Variants in ASTN2 observed in about 807,000 individuals in gnomAD.
ASTN2 encodes the protein astrotactin 2.
In ASTN2, 54 loss-of-function variants were observed where a neutral mutation model predicts 139.8. The observed-to-expected ratio is 0.39, with a 90% CI of 0.31 to 0.48. The LOEUF (loss-of-function observed/expected upper bound fraction) is 0.48, where lower values mean the gene tolerates loss of function less well. Among genes scored for constraint, ASTN2 ranks in the 20% least tolerant of loss-of-function variants. ASTN2 has a pLI of 0.95. For synonymous variants in ASTN2, 756 were observed against 719.5 expected (o/e 1.05, Z -0.81); for missense variants, 1,565 against 1,725.1 (o/e 0.91, Z 1.64).
At chr9:116,717,233 C>A (rs977061835) in intron 16 of ASTN2, among the ~76,000 whole-genome samples, 1 of 152,208 alleles carries the variant, frequency 6.6e-6, no homozygotes, top group African/African-American at 2.4e-5. Context: ...TCTTGGTATG[C>A]ACCAATAGGA....
intron 6 of ASTN2, among the ~76,000 whole-genome samples, chr9:117,012,367 A>T (rs1281491480): frequency 1.3e-5 from 2 of 152,168 alleles, no homozygotes; most frequent in African/African-American, 4.8e-5. Context: ...ACTCAGTGAC[A>T]AGGGTCAAGG....
rs372934922 is a variant in ASTN2, at chr9:117,291,501, G to C, written c.455C>G (p.Thr152Arg). Residue 152 changes from threonine to arginine, a missense_variant, in exon 2 of 23, where the codon ACA (threonine) becomes AGA (arginine). Coordinates refer to ENST00000313400, the MANE Select transcript of ASTN2 (RefSeq NM_001365068.1). ...LPFFTLEMSG[T>R]AADISLVHWR... ...GTGCACCAGCGAGATGTCCGCTGCTGTGCCAGACATCTCTGCAAGACAAGA... is the reference window on the plus strand; with the variant it reads ...GTGCACCAGCGAGATGTCCGCTGCTCTGCCAGACATCTCTGCAAGACAAGA... 2 of 1,603,904 alleles carry C rather than the reference G, an allele frequency of 1.2e-6. No individual in the cohort carries two copies. The highest frequency in any genetic ancestry group is 2.2e-5 in the East Asian group (1 of 44,762).
At chr9:116,587,990 C>A (rs1440410960) in intron 19 of ASTN2, among the ~76,000 whole-genome samples, 1 of 152,010 alleles carries the variant, frequency 6.6e-6, no homozygotes, top group East Asian at 1.9e-4. Context: ...AAAAGGTTAC[C>A]AGTATTTTTT....
chr9:117,085,719 G>A (rs756320015), intron 5 of ASTN2, among the ~76,000 whole-genome samples: 12 of 152,138 alleles, frequency 7.9e-5, no homozygotes, highest in Non-Finnish European at 1.3e-4. Context: ...ACATCTCAGG[G>A]GTTACAGAGC....
intron 2 of ASTN2, among the ~76,000 whole-genome samples, chr9:117,264,683 G>A (rs899281204): frequency 1.1e-4 from 17 of 152,130 alleles, no homozygotes; most frequent in African/African-American, 3.4e-4. Context: ...CCATATTCTC[G>A]GCTTACATCC....
At chr9:117,006,987 C>T (rs558842743) in intron 7 of ASTN2, among the ~76,000 whole-genome samples, 3 of 152,164 alleles carry the variant, frequency 2.0e-5, no homozygotes, top group Non-Finnish European at 2.9e-5. Context: ...TGTGGTGATG[C>T]GTGCCTGTAA....
At chr9:117,182,251 A>G (rs1355187355) in intron 3 of ASTN2, among the ~76,000 whole-genome samples, 1 of 151,402 alleles carries the variant, frequency 6.6e-6, no homozygotes, top group East Asian at 1.9e-4. Context: ...AAAAAATAAT[A>G]AGATTTCACC....
At chr9:116,619,424 G>T (rs1216547596) in intron 18 of ASTN2, among the ~76,000 whole-genome samples, 1 of 152,018 alleles carries the variant, frequency 6.6e-6, no homozygotes, top group African/African-American at 2.4e-5. Context: ...GGTCTCTTCA[G>T]AGAGCTTTCC....
In ASTN2 at chr9:117,214,629, G is replaced by T. The variant is rs754928103; in HGVS notation, c.744C>A (p.Ala248=). The change falls in exon 3 of 23, where the codon GCC becomes GCA. Residue 248 remains alanine, a synonymous_variant. Coordinates refer to ENST00000313400, the MANE Select transcript of ASTN2 (RefSeq NM_001365068.1). The part of the protein sequence containing the change: ...RIPQKSASTE[A]THEIHYIPSV... ...ATGGGATGTAGTGGATCTCATGAGT[G>T]GCTTCTGTGCTTGCGCTCTTCTGGG... is the stretch of plus-strand genomic sequence containing the variant. 6.3e-7 allele frequency: 1 copy of T among 1,585,550 alleles called. No individual in the cohort carries two copies. The highest frequency in any genetic ancestry group is 2.3e-5 in the East Asian group (1 of 44,224).
chr9:117,001,774 G>A lies in ASTN2; in HGVS notation c.1591+6318C>T, dbSNP rs7856990. ...AGAATACATTTCTCCCTGTTCTTCA[G>A]GCATGGGGCACTTTGTTAATGCATT... On this transcript the variant is annotated intron_variant, in intron 7 of 22. Coordinates refer to ENST00000313400, the MANE Select transcript of ASTN2 (RefSeq NM_001365068.1). Among the ~76,000 whole-genome samples, 1,323 of 152,112 alleles carry A rather than the reference G, an allele frequency of 8.7e-3. 20 individuals carry two copies. The highest frequency in any genetic ancestry group is 0.031 in the African/African-American group (1,267 of 41,486).
At chr9:117,319,847 A>C (rs1828273365) in intron 1 of ASTN2, among the ~76,000 whole-genome samples, 1 of 152,170 alleles carries the variant, frequency 6.6e-6, no homozygotes, top group Non-Finnish European at 1.5e-5. Flanking sequence ...TGAAGGCGGT[A>C]ATTCCCAAAA....
In ASTN2 at chr9:117,226,591, G is replaced by GGGGT. The variant is rs375921115; in HGVS notation, c.631-11850_631-11849insACCC. 4.7e-3 allele frequency among the ~76,000 whole-genome samples: 629 copies of GGGGT among 133,302 alleles called. 6 individuals are homozygous for GGGGT. Among genetic ancestry groups the GGGGT allele is most frequent in the South Asian group, 0.027 (115 of 4,278 alleles). 87.5% of individuals were successfully genotyped at this position (133,302 alleles called of 152,430 possible). ...GAAAGCTCACAGGTCCTCATAAAGC[G>GGGGT]GGTTTGTTTGTTTGTTTGTTTGTTT... On this transcript the variant is annotated intron_variant, in intron 2 of 22. Coordinates refer to ENST00000313400, the MANE Select transcript of ASTN2 (RefSeq NM_001365068.1).
intron 10 of ASTN2, among the ~76,000 whole-genome samples, chr9:116,870,917 T>C (rs1833146474): frequency 6.6e-6 from 1 of 152,168 alleles, no homozygotes; most frequent in Non-Finnish European, 1.5e-5. Flanking sequence ...GACAACCTTG[T>C]TTCCTGAGCT....
intron 11 of ASTN2, among the ~76,000 whole-genome samples, chr9:116,841,285 G>A (rs1026921080): frequency 6.6e-6 from 1 of 152,222 alleles, no homozygotes; most frequent in South Asian, 2.1e-4. Context: ...GCTGAGGCAG[G>A]AGAATCAGGC....
chr9:116,929,361 T>A (rs12551186), intron 10 of ASTN2, among the ~76,000 whole-genome samples: 1 of 152,148 alleles, frequency 6.6e-6, no homozygotes, highest in Admixed American at 6.5e-5. Context: ...CTAGCTACAA[T>A]GCATTCCTTT....
intron 1 of ASTN2, among the ~76,000 whole-genome samples, chr9:117,343,741 A>G (rs72764170): frequency 0.089 from 13,604 of 152,198 alleles, 715 homozygotes; most frequent in Non-Finnish European, 0.1. Flanking sequence ...TCTACCTCAC[A>G]TTAATTAGTT....
intron 10 of ASTN2, among the ~76,000 whole-genome samples, chr9:116,904,132 C>T (rs1834094337): frequency 6.6e-6 from 1 of 152,182 alleles, no homozygotes; most frequent in Non-Finnish European, 1.5e-5. Flanking sequence ...TTCAACTGCA[C>T]ATGGGTGAGG....
At chr9:116,484,682 A>C (rs1849283033) in intron 20 of ASTN2, among the ~76,000 whole-genome samples, 1 of 152,202 alleles carries the variant, frequency 6.6e-6, no homozygotes, top group Admixed American at 6.5e-5. Context: ...CATTTCAAAA[A>C]TACATAAATA....
chr9:117,273,546 G>T (rs1379990669), intron 2 of ASTN2, among the ~76,000 whole-genome samples: 1 of 152,136 alleles, frequency 6.6e-6, no homozygotes, highest in Non-Finnish European at 1.5e-5. Flanking sequence ...TCAGGATATG[G>T]TATTATTAAT....
Sources: gnomAD v4.1 joint callset for allele counts (sites outside exome capture counted in the v4.1 genomes callset) on GRCh38, gnomAD v4.1.1 for gene constraint, MANE v1.5 for transcripts, NCBI Gene and HGNC (gene_info 2026-07-23, HGNC 2026-07-21) for gene names.